Variants in WDFY4 observed in about 807,000 individuals in gnomAD.
WDFY4 encodes the protein WD repeat- and FYVE domain-containing protein 4.
A neutral mutation model predicts 351.9 loss-of-function variants in WDFY4; 169 were observed. The observed-to-expected ratio is 0.48, with a 90% CI of 0.42 to 0.55. WDFY4 has a LOEUF of 0.55. WDFY4 is among the 20% of genes least tolerant of loss of function. The pLI, the probability that WDFY4 is intolerant of heterozygous loss-of-function variation, is 0.00. For missense variants in WDFY4, 3,803 were observed against 3,935.6 expected, an observed-to-expected ratio of 0.97 and a Z score of 0.90; for synonymous variants, 1,622 against 1,574.6, an observed-to-expected ratio of 1.03 and a Z score of -0.71.
chr10:48,768,873 A>G (rs1483959636), intron 13 of WDFY4, among the ~76,000 whole-genome samples: 1 of 152,188 alleles, frequency 6.6e-6, no homozygotes, highest in Non-Finnish European at 1.5e-5. Context: ...AATAAGCAGG[A>G]GCTCAGCAAA....
intron 12 of WDFY4, among the ~76,000 whole-genome samples, chr10:48,745,105 TAA>T (rs2064969127): frequency 6.6e-6 from 1 of 152,256 alleles, no homozygotes; most frequent in Non-Finnish European, 1.5e-5. Context: ...TTTTTACATG[TAA>T]ATTTCTCTGT....
intron 48 of WDFY4, 137 bp downstream of exon 48, chr10:48,941,985 A>C (rs1387893879): frequency 2.2e-6 from 2 of 909,544 alleles, no homozygotes; most frequent in East Asian, 2.9e-5. Flanking sequence ...TTTCTTTGAG[A>C]TGGAGTTTCA....
At chr10:48,922,646 A>G (rs557042114) in intron 47 of WDFY4, among the ~76,000 whole-genome samples, 1 of 152,338 alleles carries the variant, frequency 6.6e-6, no homozygotes, top group African/African-American at 2.4e-5. Flanking sequence ...GGTTTCAGGT[A>G]TTCAATGGGG....
chr10:48,704,601 G>A (rs985636249), intron 1 of WDFY4, among the ~76,000 whole-genome samples: 5 of 152,154 alleles, frequency 3.3e-5, no homozygotes, highest in Admixed American at 3.3e-4. Context: ...GTGTGACCGG[G>A]TATAGTAGTT....
At chr10:48,953,333 T>TCTCTCTCTCTCTCTCACACACA (rs771339557) in intron 51 of WDFY4, among the ~76,000 whole-genome samples, 9 of 128,234 alleles carry the variant, frequency 7.0e-5, no homozygotes, top group African/African-American at 8.9e-5. Flanking sequence ...TCTCTCTCTC[T>TCTCTCTCTCTCTCTCACACACA]CACACACACA....
Position 48,966,422 on chromosome 10 carries a change from G to T in WDFY4, c.8437-104G>T. ...TTCAGCTCTGTCAGGAACAAGCCGA[G>T]CTGTGGCAACCCCCAGAGACAGGGT... is the stretch of plus-strand genomic sequence containing the variant. On this transcript the variant is annotated intron_variant, in intron 54 of 61. Coordinates refer to ENST00000325239, the MANE Select transcript of WDFY4 (RefSeq NM_001394531.1). 4 of 1,298,248 alleles carry T rather than the reference G, an allele frequency of 3.1e-6. No homozygotes were observed. In the South Asian group the frequency reaches 6.4e-5, roughly 21 times the overall value. The allele number at this position is 1,298,248 out of a possible 1,614,324, so 80.4% of individuals were successfully genotyped here. A position where few individuals can be genotyped will look rare whatever the true frequency, so the allele number is the denominator to read the frequency against.
In WDFY4 at chr10:48,789,989, T is replaced by C. The variant is rs1394187764; in HGVS notation, c.4066+4T>C. The C allele has an allele frequency of 6.4e-7, 1 of 1,552,076 alleles. No individual in the cohort carries two copies. The highest frequency in any genetic ancestry group is 2.0e-5 in the Admixed American group (1 of 51,014). On this transcript the variant is annotated splice_donor_region_variant and intron_variant, in intron 22 of 61. Coordinates refer to ENST00000325239, the MANE Select transcript of WDFY4 (RefSeq NM_001394531.1). ...GCTGTTGCTGTGGGTCAATTAGGTA[T>C]GTTCAACTGGGAAGCTTTGCCGCTA...
chr10:48,943,465 G>A lies in WDFY4; in HGVS notation c.7749+16G>A. ...CACCTCAGAGGTAAGTTCCTCACGTGGAAACCACAGCTGCCCTCAGGTGTT... is the reference window on the plus strand; with the variant it reads ...CACCTCAGAGGTAAGTTCCTCACGTAGAAACCACAGCTGCCCTCAGGTGTT... On this transcript the variant is annotated intron_variant, in intron 49 of 61. Transcript: ENST00000325239. 2 of 1,549,764 alleles carry A rather than the reference G, an allele frequency of 1.3e-6. No individual in the cohort carries two copies. The highest frequency in any genetic ancestry group is 1.2e-5 in the South Asian group (1 of 83,810).
intron 24 of WDFY4, among the ~76,000 whole-genome samples, chr10:48,796,917 G>C (rs1198663939): frequency 6.6e-6 from 1 of 152,154 alleles, no homozygotes; most frequent in African/African-American, 2.4e-5. Context: ...AACTGCTGTG[G>C]GTGGATCAAC....
chr10:48,974,451 T>C (rs1303453510), intron 57 of WDFY4, among the ~76,000 whole-genome samples: 8 of 129,580 alleles, frequency 6.2e-5, no homozygotes, highest in African/African-American at 1.5e-4. Context: ...TGCAGTGAAC[T>C]GAGATCATGC....
At chr10:48,716,580 C>T (rs1273310049) in intron 2 of WDFY4, among the ~76,000 whole-genome samples, 3 of 152,256 alleles carry the variant, frequency 2.0e-5, no homozygotes, top group Non-Finnish European at 4.4e-5. Flanking sequence ...CAAACAGCAC[C>T]CCGGTGGCCT....
Position 48,846,524 on chromosome 10 carries a change from A to G in WDFY4, c.6663+13815A>G, listed in dbSNP as rs1288828181. ...GGCCTGAACTAGAGCAGGTGCTGTG[A>G]ATCACTGGCTGAAAAGAGACTGCTA... On this transcript the variant is annotated intron_variant, in intron 39 of 61. Coordinates refer to ENST00000325239, the MANE Select transcript of WDFY4 (RefSeq NM_001394531.1). Among the ~76,000 whole-genome samples, 3 of 152,222 alleles carry G rather than the reference A, an allele frequency of 2.0e-5. No homozygotes were observed. In the East Asian group the frequency reaches 5.8e-4, roughly 29 times the overall value.
intron 47 of WDFY4, among the ~76,000 whole-genome samples, chr10:48,916,359 G>A (rs1237228089): frequency 6.6e-6 from 1 of 152,116 alleles, no homozygotes; most frequent in African/African-American, 2.4e-5. Context: ...AAATCTGTTT[G>A]GTGTTCTGTT....
At chr10:48,981,535 G>A in intron 61 of WDFY4, 57 bp downstream of exon 61, 1 of 1,516,976 alleles carries the variant, frequency 6.6e-7, no homozygotes, top group East Asian at 2.5e-5. Context: ...GCCACCTTTA[G>A]GAAAGCCCCA....
chr10:48,731,189 A>G lies in WDFY4; in HGVS notation c.1209A>G (p.Ile403Met), dbSNP rs2064447230. The G allele has an allele frequency of 1.3e-6, 2 of 1,551,786 alleles. No individual in the cohort carries two copies. The highest frequency in any genetic ancestry group is 1.7e-4 in the Middle Eastern group (1 of 5,992). Residue 403 changes from isoleucine to methionine, a missense_variant, in exon 9 of 62, where the codon ATA (isoleucine) becomes ATG (methionine). Coordinates refer to ENST00000325239, the MANE Select transcript of WDFY4 (RefSeq NM_001394531.1). Reference sequence around the variant, plus strand: ...AAGCCAGTGACTCTGTCCTCTGCATACAAGTCTTGTCAGTCATCAGGACCA... The same window carrying G: ...AAGCCAGTGACTCTGTCCTCTGCATGCAAGTCTTGTCAGTCATCAGGACCA... ...FHKASDSVLC[I>M]QVLSVIRTMW...
intron 43 of WDFY4, among the ~76,000 whole-genome samples, chr10:48,882,606 G>A (rs1352950280): frequency 6.6e-6 from 1 of 152,142 alleles, no homozygotes; most frequent in Non-Finnish European, 1.5e-5. Context: ...TCTGCTTTTG[G>A]TGAGGCCTCA....
At chr10:48,687,941 C>A (rs1410929221) in intron 1 of WDFY4, among the ~76,000 whole-genome samples, 1 of 152,180 alleles carries the variant, frequency 6.6e-6, no homozygotes, top group Non-Finnish European at 1.5e-5. Context: ...GCCACCACAT[C>A]TGTCTAATTT....
At chr10:48,752,552 C>A (rs771598000) in intron 12 of WDFY4, among the ~76,000 whole-genome samples, 6 of 152,264 alleles carry the variant, frequency 3.9e-5, no homozygotes, top group South Asian at 2.1e-4. Flanking sequence ...ATTCTTTTCC[C>A]CAGTCCCTGG....
At chr10:48,816,568 T>C (rs2067627075) in intron 31 of WDFY4, among the ~76,000 whole-genome samples, 1 of 152,230 alleles carries the variant, frequency 6.6e-6, no homozygotes, top group African/African-American at 2.4e-5. Context: ...TAATGAGCAA[T>C]TAATTTAGGG....
Sources: allele counts gnomAD v4.1 joint callset (sites outside exome capture counted in the v4.1 genomes callset), GRCh38; gene constraint gnomAD v4.1.1; transcripts MANE v1.5; gene names NCBI Gene and HGNC (gene_info 2026-07-23, HGNC 2026-07-21).